BZW2: variants seen among roughly 807,000 people sequenced by gnomAD.
BZW2 encodes the protein eIF5-mimic protein 1.
A neutral mutation model predicts 53.2 loss-of-function variants in BZW2; 23 were observed. That is an observed-to-expected ratio of 0.43 (90% CI 0.31 to 0.61). The LOEUF is 0.61. Ranked by LOEUF, BZW2 falls within the 20% of genes least tolerant of loss-of-function variation. The pLI is 0.09. For synonymous variants in BZW2, 227 were observed against 186.4 expected, an observed-to-expected ratio of 1.22 and a Z score of -1.77; for missense variants, 409 against 503.1, an observed-to-expected ratio of 0.81 and a Z score of 1.79.
intron 3 of BZW2, among the ~76,000 whole-genome samples, 157 bp from the exon 4 acceptor site, chr7:16,681,144 C>T: frequency 6.6e-6 from 1 of 152,110 alleles, no homozygotes; most frequent in East Asian, 1.9e-4. Context: ...AACGTGTGTA[C>T]ATCTATACAT....
chr7:16,691,581 C>A (rs1783307043), intron 7 of BZW2, among the ~76,000 whole-genome samples: 2 of 152,198 alleles, frequency 1.3e-5, no homozygotes, highest in Admixed American at 6.5e-5. Context: ...ACCTTAAAAA[C>A]TCACCTATGG....
At chr7:16,666,245 C>T (rs763753842) in intron 2 of BZW2, among the ~76,000 whole-genome samples, 8 of 151,930 alleles carry the variant, frequency 5.3e-5, no homozygotes, top group Non-Finnish European at 7.4e-5. Context: ...TAGGTGCACA[C>T]CACCACACCT....
At chr7:16,653,601 A>G (rs2128350065) in intron 1 of BZW2, among the ~76,000 whole-genome samples, 1 of 152,266 alleles carries the variant, frequency 6.6e-6, no homozygotes, top group Non-Finnish European at 1.5e-5. Context: ...TTTCTCCTCT[A>G]CTATGTAAAG....
chr7:16,705,203 A>G (rs1347753377), intron 11 of BZW2, among the ~76,000 whole-genome samples: 1 of 151,990 alleles, frequency 6.6e-6, no homozygotes, highest in Non-Finnish European at 1.5e-5. Flanking sequence ...TTAAAAACAC[A>G]AAAAAATTAG....
rs774696963 is a variant in BZW2, at chr7:16,654,558, G to A, written c.-8+8270G>A. ...GATGATATTTATTTATTTATGAGACGGAGTCTTGCTCTGTCAGCCAGGCTG... is the reference window on the plus strand; with the variant it reads ...GATGATATTTATTTATTTATGAGACAGAGTCTTGCTCTGTCAGCCAGGCTG... On this transcript the variant is annotated intron_variant, in intron 1 of 11. Transcript: ENST00000258761. Among the ~76,000 whole-genome samples, 56 of 144,630 alleles carry A rather than the reference G, an allele frequency of 3.9e-4. 2 individuals carry two copies. The highest frequency in any genetic ancestry group is 2.2e-3 in the Admixed American group (31 of 13,912). The allele number at this position is 144,630 out of a possible 152,430, so 94.9% of individuals were successfully genotyped here.
Position 16,697,018 on chromosome 7 carries a change from A to G in BZW2, c.926A>G (p.Lys309Arg). ...ATAATGAACGCTGTTGAGTGGAACA[A>G]GAAGGAAGAACTTGTTGCAGAGCAG... ...TCIMNAVEWN[K>R]KEELVAEQAL... Residue 309 changes from lysine (K) to arginine (R), a missense_variant, in exon 9 of 12, where the codon AAG (lysine) becomes AGG (arginine). Physicochemically the swap from Lys to Arg is conservative, Grantham distance 26. Transcript: ENST00000258761. 2 of 1,614,184 alleles carry G rather than the reference A, an allele frequency of 1.2e-6. No individual in the cohort carries two copies. The highest frequency in any genetic ancestry group is 1.7e-6 in the Non-Finnish European group (2 of 1,180,012).
intron 6 of BZW2, 173 bp downstream of exon 6, chr7:16,686,213 T>A: frequency 9.6e-7 from 1 of 1,041,748 alleles, no homozygotes; most frequent in Non-Finnish European, 1.4e-6. Flanking sequence ...GGAGTGGACT[T>A]GTTAATTGTA....
chr7:16,662,025 T>C (rs1003252309), intron 1 of BZW2: 1 of 152,174 alleles, frequency 6.6e-6, no homozygotes, highest in Non-Finnish European at 1.5e-5. Context: ...TCTTCCTAGG[T>C]TGAAGCGAGC....
intron 1 of BZW2, among the ~76,000 whole-genome samples, chr7:16,654,530 A>C (rs1403227309): frequency 3.8e-5 from 5 of 130,376 alleles, no homozygotes; most frequent in African/African-American, 1.1e-4. Context: ...CCAAAAAAAA[A>C]CGGATGATAT....
chr7:16,675,565 C>CT (rs1230665261), intron 3 of BZW2, among the ~76,000 whole-genome samples: 3 of 152,206 alleles, frequency 2.0e-5, no homozygotes, highest in Non-Finnish European at 4.4e-5. Flanking sequence ...TTCAAGCAAT[C>CT]TGTTTGGTAC....
rs574427844 is a variant in BZW2 at position 16,671,393 on chromosome 7, T to C, written c.59-3019T>C. 1.1e-4 allele frequency among the ~76,000 whole-genome samples: 16 copies of C among 152,364 alleles called. No individual in the cohort carries two copies. In the South Asian group the frequency reaches 3.1e-3, roughly 30 times the overall value. On this transcript the variant is annotated intron_variant, in intron 2 of 11. Coordinates refer to ENST00000258761, the MANE Select transcript of BZW2 (RefSeq NM_014038.3). ...AATTATCTCTTGAGTTGGGGGGCCT[T>C]AGTTTTCTGTGCCTTAAAACTAGCC... is the stretch of plus-strand genomic sequence containing the variant.
At chr7:16,675,172 T>C (rs1013468833) in intron 3 of BZW2, among the ~76,000 whole-genome samples, 1 of 152,176 alleles carries the variant, frequency 6.6e-6, no homozygotes, top group East Asian at 1.9e-4. Context: ...AGTAGATGAT[T>C]CTAATATTTA....
chr7:16,660,076 T>A (rs1782214889), intron 1 of BZW2, among the ~76,000 whole-genome samples: 1 of 147,394 alleles, frequency 6.8e-6, no homozygotes. Flanking sequence ...AGTGAGAACA[T>A]GCGGTGTTTG....
At chr7:16,656,091 G>A (rs1782113615) in intron 1 of BZW2, among the ~76,000 whole-genome samples, 1 of 151,158 alleles carries the variant, frequency 6.6e-6, no homozygotes, top group South Asian at 2.1e-4. Flanking sequence ...ATGTGTGTGT[G>A]TGTGTATGTA....
At chr7:16,650,405 A>G (rs967184636) in intron 1 of BZW2, among the ~76,000 whole-genome samples, 3 of 152,328 alleles carry the variant, frequency 2.0e-5, no homozygotes, top group Non-Finnish European at 4.4e-5. Context: ...CATTCCAAAA[A>G]AAAAGAGTAC....
At chr7:16,695,345 A>T (rs962812010) in intron 8 of BZW2, among the ~76,000 whole-genome samples, 9 of 152,226 alleles carry the variant, frequency 5.9e-5, no homozygotes, top group African/African-American at 2.2e-4. Flanking sequence ...ATTTTGTTGC[A>T]GGTTATCTAA....
intron 3 of BZW2, among the ~76,000 whole-genome samples, chr7:16,675,056 T>C (rs1198770678): frequency 6.6e-6 from 1 of 152,180 alleles, no homozygotes; most frequent in Non-Finnish European, 1.5e-5. Flanking sequence ...AAATTAAAGA[T>C]AGAAGATTAG....
At chr7:16,663,681 G>A (rs1047534954) in intron 1 of BZW2, among the ~76,000 whole-genome samples, 1 of 152,032 alleles carries the variant, frequency 6.6e-6, no homozygotes, top group Non-Finnish European at 1.5e-5. Context: ...AGTAATTAAG[G>A]AAATCTAGAC....
intron 10 of BZW2, among the ~76,000 whole-genome samples, chr7:16,702,275 C>T (rs1203320829): frequency 1.3e-5 from 2 of 152,106 alleles, no homozygotes; most frequent in Admixed American, 6.6e-5. Flanking sequence ...TCTTCTTAAA[C>T]TCTTCGATGT....
Sources: gnomAD v4.1 joint callset for allele counts (sites outside exome capture counted in the v4.1 genomes callset) on GRCh38, gnomAD v4.1.1 for gene constraint, MANE v1.5 for transcripts, NCBI Gene and HGNC (gene_info 2026-07-23, HGNC 2026-07-21) for gene names.